PPIB: variants seen among roughly 807,000 people sequenced by gnomAD.
PPIB encodes the protein peptidyl-prolyl cis-trans isomerase B.
A neutral mutation model predicts 20.1 loss-of-function variants in PPIB; 15 were observed. The ratio of observed to expected loss-of-function variants is 0.75; its 90% CI spans 0.50 to 1.15. PPIB has a LOEUF of 1.15. Ranked by LOEUF, PPIB falls within the 50% of genes most tolerant of loss-of-function variation. The pLI, the probability that PPIB is intolerant of heterozygous loss-of-function variation, is 0.00. For missense variants in PPIB, 278 were observed against 283.0 expected (o/e 0.98, Z 0.13); for synonymous variants, 129 against 111.0 (o/e 1.16, Z -1.02).
Position 64,156,195 on chromosome 15 carries a change from C to T in PPIB, c.529-50G>A. The T allele has an allele frequency of 6.2e-7, 1 of 1,610,942 alleles. No individual in the cohort carries two copies. The highest frequency in any genetic ancestry group is 8.5e-7 in the Non-Finnish European group (1 of 1,178,402). On this transcript the variant is annotated intron_variant, in intron 4 of 4. Transcript: ENST00000300026. This position sits in a 1 kb window ranked among gnomAD's most constrained non-coding sequence, Gnocchi z 6.4. ...AGGGCATGGTGGATCAGGAGGTCCACCGCTCAGGAGAAAGGCCCCAGCGTA... is the reference window on the plus strand; with the variant it reads ...AGGGCATGGTGGATCAGGAGGTCCATCGCTCAGGAGAAAGGCCCCAGCGTA...
chr15:64,156,505 C>A lies in PPIB; in HGVS notation c.528+220G>T, dbSNP rs539370673. The A allele has an allele frequency of 1.3e-4, 83 of 654,928 alleles. No individual in the cohort carries two copies. The highest frequency in any genetic ancestry group is 2.2e-4 in the Non-Finnish European group (81 of 373,170). 40.6% of individuals were successfully genotyped at this position (654,928 alleles called of 1,614,324 possible). A position where few individuals can be genotyped will look rare whatever the true frequency, so the allele number is the denominator to read the frequency against. ...GTGAAGGAGGGGAGGGAGGCTCTGG[C>A]AGTTGTGCAGCCTTCCTGGCTGGGC... On this transcript the variant is annotated intron_variant, in intron 4 of 4. Coordinates refer to ENST00000300026, the MANE Select transcript of PPIB (RefSeq NM_000942.5). This position sits in a 1 kb window ranked among gnomAD's most constrained non-coding sequence, Gnocchi z 6.4.
In PPIB at chr15:64,162,855, G is replaced by A; in HGVS notation, c.132C>T (p.Val44=). 1 of 1,611,206 alleles carries A rather than the reference G, an allele frequency of 6.2e-7. No individual in the cohort carries two copies. The highest frequency in any genetic ancestry group is 1.1e-5 in the South Asian group (1 of 90,422). ...DEKKKGPKVT[V]KVYFDLRIGD... is the part of the protein sequence containing the mutation. ...AATGCCGCGGACTCCACCGGACCTTGACGGTGACTTTGGGCCCCTTCTTCT... is the reference window on the plus strand; with the variant it reads ...AATGCCGCGGACTCCACCGGACCTTAACGGTGACTTTGGGCCCCTTCTTCT... The change falls in exon 1 of 5, where the codon GTC becomes GTT. Residue 44 remains valine, a synonymous_variant. Transcript: ENST00000300026.
chr15:64,162,803 C>T, intron 1 of PPIB, 49 bp downstream of exon 1: 5 of 1,591,182 alleles, frequency 3.1e-6, no homozygotes, highest in South Asian at 1.1e-5. Flanking sequence ...AAGCCAAGGC[C>T]GCCCGGGCCC....
rs1351488978 is a variant in PPIB at position 64,156,660 on chromosome 15, C to T, written c.528+65G>A. 3.8e-6 allele frequency: 6 copies of T among 1,590,934 alleles called. No individual in the cohort carries two copies. Among genetic ancestry groups the T allele is most frequent in the African/African-American group, 2.7e-5 (2 of 74,514 alleles). ...AGGGATGGACACATGGAGCTCCTGC[C>T]CTGGGGTCTGTGTTGAATCCCCGGT... is the stretch of plus-strand genomic sequence containing the variant. On this transcript the variant is annotated intron_variant, in intron 4 of 4. Coordinates refer to ENST00000300026, the MANE Select transcript of PPIB (RefSeq NM_000942.5). This position sits in a 1 kb window ranked among gnomAD's most constrained non-coding sequence, Gnocchi z 6.4.
At position 64,156,358 on chromosome 15, in the gene PPIB, A is replaced by C; in HGVS notation, c.529-213T>G. ...TACAGGAATTTTGTTCCTTTGAAGT[A>C]AGACCCAGGTTGGGCCAAGGGTGAG... On this transcript the variant is annotated intron_variant, in intron 4 of 4. Coordinates refer to ENST00000300026, the MANE Select transcript of PPIB (RefSeq NM_000942.5). This position sits in a 1 kb window ranked among gnomAD's most constrained non-coding sequence, Gnocchi z 6.4. The C allele has an allele frequency of 5.6e-6, 4 of 712,018 alleles. No homozygotes were observed. The highest frequency in any genetic ancestry group is 9.6e-6 in the Non-Finnish European group (4 of 416,676). The allele number at this position is 712,018 out of a possible 1,614,324, so 44.1% of individuals were successfully genotyped here.
At chr15:64,162,730 G>T (rs1434705396) in intron 1 of PPIB, 122 bp downstream of exon 1, 1 of 1,487,824 alleles carries the variant, frequency 6.7e-7, no homozygotes, top group Non-Finnish European at 9.1e-7. Context: ...TGAATGGGCA[G>T]GACGGCCCAG....
chr15:64,159,171 T>TG lies in PPIB; in HGVS notation c.343+932dup, dbSNP rs2081551329. The TG allele has an allele frequency of 6.6e-6, 1 of 152,252 alleles. No individual in the cohort carries two copies. Among genetic ancestry groups the TG allele is most frequent in the Non-Finnish European group, 1.5e-5 (1 of 68,080 alleles). The allele number at this position is 152,252 out of a possible 1,614,324, so 9.4% of individuals were successfully genotyped here. On this transcript the variant is annotated intron_variant, in intron 3 of 4. Coordinates refer to ENST00000300026, the MANE Select transcript of PPIB (RefSeq NM_000942.5). This position sits in a 1 kb window ranked among gnomAD's most constrained non-coding sequence, Gnocchi z 5.1. The stretch of plus-strand genomic sequence containing the variant: ...GTTGTTGGAAGTAAAAGGGAGCCAC[T>TG]GCCCCATGGGTCTTCACATCCTCAA...
Position 64,162,166 on chromosome 15 carries a change from G to A in PPIB, c.136-12C>T, listed in dbSNP as rs774001816. On this transcript the variant is annotated splice_polypyrimidine_tract_variant and intron_variant, in intron 1 of 4. Transcript: ENST00000300026. ...AGGTCAAAATACACCTGAGGAAAGA[G>A]ACCATTTCCAACTTAGCTTCTTTAA... 2.5e-6 allele frequency: 4 copies of A among 1,593,616 alleles called. No homozygotes were observed. Among genetic ancestry groups the A allele is most frequent in the South Asian group, 2.2e-5 (2 of 90,668 alleles).
rs138858242 is a variant in PPIB at position 64,156,418 on chromosome 15, T to G, written c.529-273A>C. The G allele has an allele frequency of 1.6e-6, 1 of 620,690 alleles. No homozygotes were observed. The highest frequency in any genetic ancestry group is 2.8e-5 in the East Asian group (1 of 35,744). The allele number at this position is 620,690 out of a possible 1,614,324, so 38.4% of individuals were successfully genotyped here. On this transcript the variant is annotated intron_variant, in intron 4 of 4. Transcript: ENST00000300026. This position sits in a 1 kb window ranked among gnomAD's most constrained non-coding sequence, Gnocchi z 6.4. ...GAGGGTGACCAGGGCATGTGGCTTC[T>G]CAGGGACATTGCGTTCAGCTGCACT...
At position 64,156,491 on chromosome 15, in the gene PPIB, G is replaced by T. The variant is rs143219457; in HGVS notation, c.528+234C>A. 49 of 637,936 alleles carry T rather than the reference G, an allele frequency of 7.7e-5. No homozygotes were observed. In the East Asian group the frequency reaches 1.3e-3, roughly 16 times the overall value. The allele number at this position is 637,936 out of a possible 1,614,324, so 39.5% of individuals were successfully genotyped here. A position where few individuals can be genotyped will look rare whatever the true frequency, so the allele number is the denominator to read the frequency against. ...CAGCACGTCACTGAGTGAAGGAGGG[G>T]AGGGAGGCTCTGGCAGTTGTGCAGC... On this transcript the variant is annotated intron_variant, in intron 4 of 4. Transcript: ENST00000300026. The surrounding 1 kb of genome is among the most constrained non-coding windows in gnomAD (Gnocchi z 6.4).
At position 64,160,291 on chromosome 15, in the gene PPIB, G is replaced by T; in HGVS notation, c.250-94C>A. ...TCACAGGAACAAGTCCACAACTCCT[G>T]CTCGCAGAAGAGACACCACTGCTGA... On this transcript the variant is annotated intron_variant, in intron 2 of 4. Transcript: ENST00000300026. This position sits in a 1 kb window ranked among gnomAD's most constrained non-coding sequence, Gnocchi z 4.8. 1 of 1,014,596 alleles carries T rather than the reference G, an allele frequency of 9.9e-7. No individual in the cohort carries two copies. The highest frequency in any genetic ancestry group is 1.5e-6 in the Non-Finnish European group (1 of 646,522). The allele number at this position is 1,014,596 out of a possible 1,614,324, so 62.8% of individuals were successfully genotyped here.
At chr15:64,162,563 A>C (rs1022747892) in intron 1 of PPIB, among the ~76,000 whole-genome samples, 1 of 152,236 alleles carries the variant, frequency 6.6e-6, no homozygotes, top group African/African-American at 2.4e-5. Flanking sequence ...GGCAGGCGTG[A>C]TCTTTCACCA....
Position 64,158,678 on chromosome 15 carries a change from G to A in PPIB, c.343+1426C>T, listed in dbSNP as rs994463287. Among the ~76,000 whole-genome samples, 2 of 152,186 alleles carry A rather than the reference G, an allele frequency of 1.3e-5. No homozygotes were observed. Among genetic ancestry groups the A allele is most frequent in the African/African-American group, 2.4e-5 (1 of 41,440 alleles). ...GACATCACCCACCTCTCTGCACTCC[G>A]GGTACAGATGTCCTCACCCCACCTT... On this transcript the variant is annotated intron_variant, in intron 3 of 4. Coordinates refer to ENST00000300026, the MANE Select transcript of PPIB (RefSeq NM_000942.5). The surrounding 1 kb of genome is among the most constrained non-coding windows in gnomAD (Gnocchi z 4.7).
At position 64,160,088 on chromosome 15, in the gene PPIB, GAGGA is replaced by G; in HGVS notation, c.343+12_343+15del. 1 of 1,595,336 alleles carries G rather than the reference GAGGA, an allele frequency of 6.3e-7. No individual in the cohort carries two copies. ...CTACACTGACATACTCCTTGGCCCA[GAGGA>G]CCTGTGGTTACCTCCTGTGCCATCT... On this transcript the variant is annotated intron_variant, in intron 3 of 4. Transcript: ENST00000300026. The surrounding 1 kb of genome is among the most constrained non-coding windows in gnomAD (Gnocchi z 4.8).
rs2140181799 is a variant in PPIB, at chr15:64,157,636, G to A, written c.344-727C>T. Reference sequence around the variant, plus strand: ...ATCACCCCTTGGAGACTGACACTGTGCATGAGGCCCCAAGAAACTCAGCCA... The same window carrying A: ...ATCACCCCTTGGAGACTGACACTGTACATGAGGCCCCAAGAAACTCAGCCA... On this transcript the variant is annotated intron_variant, in intron 3 of 4. Coordinates refer to ENST00000300026, the MANE Select transcript of PPIB (RefSeq NM_000942.5). The surrounding 1 kb of genome is among the most constrained non-coding windows in gnomAD (Gnocchi z 4.2). Among the ~76,000 whole-genome samples, 1 of 152,296 alleles carries A rather than the reference G, an allele frequency of 6.6e-6. No homozygotes were observed. The highest frequency in any genetic ancestry group is 1.5e-5 in the Non-Finnish European group (1 of 68,026).
rs2081543034 is a variant in PPIB at position 64,157,658 on chromosome 15, G to A, written c.344-749C>T. Among the ~76,000 whole-genome samples the A allele has an allele frequency of 6.6e-6, 1 of 152,078 alleles. No individual in the cohort carries two copies. Among genetic ancestry groups the A allele is most frequent in the Non-Finnish European group, 1.5e-5 (1 of 67,986 alleles). ...TGTGCATGAGGCCCCAAGAAACTCAGCCAAAAATGGGGTCATTTTCATTTT... is the reference window on the plus strand; with the variant it reads ...TGTGCATGAGGCCCCAAGAAACTCAACCAAAAATGGGGTCATTTTCATTTT... On this transcript the variant is annotated intron_variant, in intron 3 of 4. Transcript: ENST00000300026. This position sits in a 1 kb window ranked among gnomAD's most constrained non-coding sequence, Gnocchi z 4.2.
Position 64,156,980 on chromosome 15 carries a change from C to T in PPIB, c.344-71G>A, listed in dbSNP as rs1219065184. ...ACCAAGCAGACATTCGGGGCCAGGA[C>T]TGAGGGGGCTTAACCTGTCCTCTGT... is the stretch of plus-strand genomic sequence containing the variant. On this transcript the variant is annotated intron_variant, in intron 3 of 4. Transcript: ENST00000300026. The surrounding 1 kb of genome is among the most constrained non-coding windows in gnomAD (Gnocchi z 6.4). The T allele has an allele frequency of 1.0e-5, 15 of 1,506,598 alleles. No homozygotes were observed. The highest frequency in any genetic ancestry group is 1.3e-5 in the Non-Finnish European group (14 of 1,092,100). The allele number at this position is 1,506,598 out of a possible 1,614,324, so 93.3% of individuals were successfully genotyped here. A position where few individuals can be genotyped will look rare whatever the true frequency, so the allele number is the denominator to read the frequency against.
At position 64,161,726 on chromosome 15, in the gene PPIB, A is replaced by G. The variant is rs893622147; in HGVS notation, c.249+315T>C. 3.8e-5 allele frequency among the ~76,000 whole-genome samples: 5 copies of G among 130,794 alleles called. No individual in the cohort carries two copies. Among genetic ancestry groups the G allele is most frequent in the African/African-American group, 1.3e-4 (5 of 39,150 alleles). The allele number at this position is 130,794 out of a possible 152,430, so 85.8% of individuals were successfully genotyped here. The stretch of plus-strand genomic sequence containing the variant: ...GGCGACAAGAGTGAAACTCCGTCTC[A>G]AAAAAAAAAAAAAATTTGCGGGGGT... On this transcript the variant is annotated intron_variant, in intron 2 of 4. Transcript: ENST00000300026. The surrounding 1 kb of genome is among the most constrained non-coding windows in gnomAD (Gnocchi z 4.2).
Position 64,156,103 on chromosome 15 carries a change from C to A in PPIB, c.571G>T (p.Asp191Tyr). The part of the protein sequence containing the change: ...KVESTKTDSR[D>Y]KPLKDVIIAD... The stretch of plus-strand genomic sequence containing the variant: ...ATGATCACATCCTTCAGGGGTTTAT[C>A]CCGGCTGTCTGTCTTGGTGCTCTCC... The change falls in exon 5 of 5, where the codon GAT becomes TAT. Residue 191 changes from aspartate to tyrosine, a missense_variant. Physicochemically the swap from Asp to Tyr is radical, Grantham distance 160 (BLOSUM62 -3). Transcript: ENST00000300026. The surrounding 1 kb of genome is among the most constrained non-coding windows in gnomAD (Gnocchi z 6.4). 6 of 1,614,214 alleles carry A rather than the reference C, an allele frequency of 3.7e-6. No homozygotes were observed. Among genetic ancestry groups the A allele is most frequent in the Non-Finnish European group, 3.4e-6 (4 of 1,180,038 alleles).
Sources: allele counts gnomAD v4.1 joint callset (sites outside exome capture counted in the v4.1 genomes callset), GRCh38; gene constraint gnomAD v4.1.1; non-coding constraint Gnocchi (gnomAD v3.1); transcripts MANE v1.5; gene names NCBI Gene and HGNC (gene_info 2026-07-23, HGNC 2026-07-21).